The following PCDHGB3 variants were observed in gnomAD, a reference collection of about 807,000 sequenced individuals.
The protein encoded by PCDHGB3 is protocadherin gamma-B3.
Under a neutral mutation model 59.2 loss-of-function variants are expected in PCDHGB3, and 40 were observed. The ratio of observed to expected loss-of-function variants is 0.68; its 90% CI spans 0.52 to 0.88. The LOEUF (loss-of-function observed/expected upper bound fraction) is 0.88, where lower values mean the gene tolerates loss of function less well. Among genes scored for constraint, PCDHGB3 ranks in the 40% least tolerant of loss-of-function variants. The probability of loss-of-function intolerance (pLI) is 0.00; values close to 1 mark genes in which losing one functional copy is unlikely to be tolerated. For synonymous variants in PCDHGB3, 581 were observed against 503.6 expected (o/e 1.15, Z -2.06); for missense variants, 1,309 against 1,187.9 (o/e 1.10, Z -1.50).
intron 1 of PCDHGB3, among the ~76,000 whole-genome samples, chr5:141,446,746 C>T (rs1413869259): frequency 6.6e-6 from 1 of 152,170 alleles, no homozygotes; most frequent in Non-Finnish European, 1.5e-5. Context: ...GGATTACAGG[C>T]GTGAGCCACC....
Position 141,431,794 on chromosome 5 carries a change from A to C in PCDHGB3, c.2415+58985A>C. On this transcript the variant is annotated intron_variant, in intron 1 of 3. Coordinates refer to ENST00000576222, the MANE Select transcript of PCDHGB3 (RefSeq NM_018924.5). The surrounding 1 kb of genome is among the most constrained non-coding windows in gnomAD (Gnocchi z 4.8). ...TTCTGGACGTGAACGACAATGCCCC[A>C]GAAGTGGTCCTCACCTCTCTCGCCA... 1 of 1,614,260 alleles carries C rather than the reference A, an allele frequency of 6.2e-7. No individual in the cohort carries two copies. Among genetic ancestry groups the C allele is most frequent in the Non-Finnish European group, 8.5e-7 (1 of 1,180,046 alleles).
rs752171326 is a variant in PCDHGB3 at position 141,395,310 on chromosome 5, A to C, written c.2415+22501A>C. The stretch of plus-strand genomic sequence containing the variant: ...TGGCATAAATTATGTTTTGAAAAAC[A>C]TTGTGAAGATAGTTGAAAATAATTT... On this transcript the variant is annotated intron_variant, in intron 1 of 3. Transcript: ENST00000576222. The C allele has an allele frequency of 3.3e-6, 5 of 1,502,410 alleles. No homozygotes were observed. In the East Asian group the frequency reaches 1.1e-4, roughly 34 times the overall value. 93.1% of individuals were successfully genotyped at this position (1,502,410 alleles called of 1,614,324 possible).
chr5:141,399,320 A>T (rs775357251), intron 1 of PCDHGB3: 2 of 1,614,010 alleles, frequency 1.2e-6, no homozygotes, highest in Non-Finnish European at 1.7e-6. Flanking sequence ...AAAAATTCGT[A>T]TAAGTTGGTA....
chr5:141,404,809 G>A (rs1383342554), intron 1 of PCDHGB3: 1 of 1,613,984 alleles, frequency 6.2e-7, no homozygotes, highest in East Asian at 2.2e-5. Flanking sequence ...TCTTCTCGGT[G>A]GGGCTGCACA....
Position 141,420,043 on chromosome 5 carries a change from G to T in PCDHGB3, c.2415+47234G>T, listed in dbSNP as rs747553514. On this transcript the variant is annotated intron_variant, in intron 1 of 3. Coordinates refer to ENST00000576222, the MANE Select transcript of PCDHGB3 (RefSeq NM_018924.5). ...GCCCTACTGCAGGAGACTGCTTTGAGTCAGTTCTCTGCTCCAAGTCCGGAC... is the reference window on the plus strand; with the variant it reads ...GCCCTACTGCAGGAGACTGCTTTGATTCAGTTCTCTGCTCCAAGTCCGGAC... The T allele has an allele frequency of 1.9e-6, 3 of 1,614,078 alleles. No individual in the cohort carries two copies. In the Admixed American group the frequency reaches 5.0e-5, roughly 27 times the overall value.
chr5:141,494,251 G>C (rs961451413), intron 1 of PCDHGB3, among the ~76,000 whole-genome samples: 2 of 152,214 alleles, frequency 1.3e-5, no homozygotes, highest in African/African-American at 4.8e-5. Context: ...TTAGCTGTGG[G>C]AAGAGATTCT....
chr5:141,430,048 A>G (rs2097258677), intron 1 of PCDHGB3, among the ~76,000 whole-genome samples: 1 of 152,222 alleles, frequency 6.6e-6, no homozygotes, highest in African/African-American at 2.4e-5. Flanking sequence ...AATGTATACA[A>G]TCACATATCA....
rs1173306822 is a variant in PCDHGB3, at chr5:141,431,115, T to G, written c.2415+58306T>G. The G allele has an allele frequency of 6.2e-7, 1 of 1,613,608 alleles. No homozygotes were observed. Among genetic ancestry groups the G allele is most frequent in the East Asian group, 2.2e-5 (1 of 44,840 alleles). ...GAGGATAAAGTGAAAATATATGGAG[T>G]AGAAGTAGAAGTAAGGGACATTAAC... On this transcript the variant is annotated intron_variant, in intron 1 of 3. Transcript: ENST00000576222. This position sits in a 1 kb window ranked among gnomAD's most constrained non-coding sequence, Gnocchi z 4.8.
intron 1 of PCDHGB3, among the ~76,000 whole-genome samples, chr5:141,373,124 C>A (rs933714666): frequency 1.3e-5 from 2 of 152,188 alleles, no homozygotes; most frequent in Non-Finnish European, 2.9e-5. Context: ...GAATTAGACC[C>A]AAATCCTCAC....
At chr5:141,377,605 C>CAAAA (rs71576112) in intron 1 of PCDHGB3, 1 of 140,670 alleles carries the variant, frequency 7.1e-6, no homozygotes. Flanking sequence ...CTCTCTCTCT[C>CAAAA]AAAAAAAAAA....
At chr5:141,471,422 A>T (rs919676109) in intron 1 of PCDHGB3, 5 of 152,176 alleles carry the variant, frequency 3.3e-5, no homozygotes, top group Non-Finnish European at 5.9e-5. Context: ...GTTTTTAGCA[A>T]GGAAAGTGTA....
intron 2 of PCDHGB3, among the ~76,000 whole-genome samples, chr5:141,495,471 G>A (rs2099761632): frequency 6.6e-6 from 1 of 152,190 alleles, no homozygotes; most frequent in Non-Finnish European, 1.5e-5. Context: ...TGGGGTCTCC[G>A]TGTCTCTGCC....
At chr5:141,508,193 C>T (rs1426786164) in intron 3 of PCDHGB3, 1 of 152,326 alleles carries the variant, frequency 6.6e-6, no homozygotes, top group Non-Finnish European at 1.5e-5. Flanking sequence ...ATCACCCCCA[C>T]CTCGTCCAGG....
At chr5:141,433,318 G>A (rs1659490277) in intron 1 of PCDHGB3, 2 of 788,746 alleles carry the variant, frequency 2.5e-6, no homozygotes, top group Non-Finnish European at 4.0e-6. Context: ...CTTTGCCTCC[G>A]GTGTAACAGG....
In PCDHGB3 at chr5:141,485,935, C is replaced by T. The variant is rs2099621642; in HGVS notation, c.2416-8872C>T. The T allele has an allele frequency of 6.2e-7, 1 of 1,614,026 alleles. No homozygotes were observed. Among genetic ancestry groups the T allele is most frequent in the Non-Finnish European group, 8.5e-7 (1 of 1,180,038 alleles). On this transcript the variant is annotated intron_variant, in intron 1 of 3. Coordinates refer to ENST00000576222, the MANE Select transcript of PCDHGB3 (RefSeq NM_018924.5). The surrounding 1 kb of genome is among the most constrained non-coding windows in gnomAD (Gnocchi z 5.7). Reference sequence around the variant, plus strand: ...GCTACAGGATTAGTGTGTTGGAGAGCGCACCAGCGGGCATGGTGCTCATCC... The same window carrying T: ...GCTACAGGATTAGTGTGTTGGAGAGTGCACCAGCGGGCATGGTGCTCATCC...
chr5:141,475,823 T>C (rs2099373850), intron 1 of PCDHGB3: 1 of 360,288 alleles, frequency 2.8e-6, no homozygotes, highest in Non-Finnish European at 5.0e-6. Context: ...TTCCTGGCGC[T>C]AGCGCGTGTC....
chr5:141,374,004 G>A (rs1770021331), intron 1 of PCDHGB3: 3 of 1,327,578 alleles, frequency 2.3e-6, no homozygotes, highest in African/African-American at 1.5e-5. Flanking sequence ...GACCTTCACC[G>A]CTATTTCTGA....
intron 1 of PCDHGB3, chr5:141,415,215 C>A: frequency 6.2e-7 from 1 of 1,614,106 alleles, no homozygotes; most frequent in South Asian, 1.1e-5. Flanking sequence ...CGGACCTCGG[C>A]AGCTTCGAGT....
intron 1 of PCDHGB3, among the ~76,000 whole-genome samples, chr5:141,472,266 G>A (rs931951683): frequency 2.0e-5 from 3 of 152,198 alleles, no homozygotes. Flanking sequence ...TTATAGCCGG[G>A]CACAGTGGCT....
Sources: allele counts gnomAD v4.1 joint callset (sites outside exome capture counted in the v4.1 genomes callset), GRCh38; gene constraint gnomAD v4.1.1; non-coding constraint Gnocchi (gnomAD v3.1); transcripts MANE v1.5; gene names NCBI Gene and HGNC (gene_info 2026-07-23, HGNC 2026-07-21).